ETV1: variants seen among roughly 807,000 people sequenced by gnomAD.
ETV1 encodes ETS translocation variant 1.
A neutral mutation model predicts 62.3 loss-of-function variants in ETV1; 27 were observed. The observed-to-expected ratio is 0.43, with a 90% confidence interval of 0.32 to 0.60. The LOEUF (loss-of-function observed/expected upper bound fraction) is 0.60. Ranked by LOEUF, ETV1 falls within the 20% of genes least tolerant of loss-of-function variation. ETV1 has a pLI of 0.06. For missense variants in ETV1, 605 were observed against 605.8 expected, an observed-to-expected ratio of 1.00 and a Z score of 0.01; for synonymous variants, 222 against 199.6, an observed-to-expected ratio of 1.11 and a Z score of -0.94.
intron 5 of ETV1, among the ~76,000 whole-genome samples, chr7:13,983,922 C>A (rs1298770023): frequency 6.6e-6 from 1 of 151,578 alleles, no homozygotes; most frequent in African/African-American, 2.4e-5. Flanking sequence ...TTCCAACTTC[C>A]CCTTAGAAAT....
At position 13,893,603 on chromosome 7, in the gene ETV1, AAAG is replaced by A; in HGVS notation, c.*2260_*2262del. On this transcript the variant is annotated 3_prime_UTR_variant, in exon 14 of 14. Transcript: ENST00000430479. Reference sequence around the variant, plus strand: ...TGACTGACTAAAACTAGACTATTAAAAAGAAGAAAAAGGAGAAAAGAGAAAAAG... The same window carrying A: ...TGACTGACTAAAACTAGACTATTAAAAAGAAAAAGGAGAAAAGAGAAAAAG... 4.3e-6 allele frequency: 1 copy of A among 232,270 alleles called. No individual in the cohort carries two copies. Among genetic ancestry groups the A allele is most frequent in the Non-Finnish European group, 8.5e-6 (1 of 117,512 alleles). 14.4% of individuals were successfully genotyped at this position (232,270 alleles called of 1,614,324 possible).
chr7:13,914,182 G>A (rs1783887226), intron 9 of ETV1, among the ~76,000 whole-genome samples: 1 of 151,150 alleles, frequency 6.6e-6, no homozygotes, highest in Non-Finnish European at 1.5e-5. Context: ...ACCGCGCCCG[G>A]CCGGGGGTAC....
intron 6 of ETV1, among the ~76,000 whole-genome samples, chr7:13,954,003 A>AT (rs1253871601): frequency 6.6e-6 from 1 of 152,304 alleles, no homozygotes; most frequent in Non-Finnish European, 1.5e-5. Context: ...TACATTAGTT[A>AT]TTTTATCAAT....
Position 13,985,129 on chromosome 7 carries a change from A to G in ETV1, c.181+1509T>C, listed in dbSNP as rs796911659. ...AAATAGATATTTTAAGTTATTTTGG[A>G]GAAGCAAATAAATTCTCTCATAAAG... On this transcript the variant is annotated intron_variant, in intron 5 of 13. Coordinates refer to ENST00000430479, the MANE Select transcript of ETV1 (RefSeq NM_004956.5). Among the ~76,000 whole-genome samples, 4 of 152,186 alleles carry G rather than the reference A, an allele frequency of 2.6e-5. No homozygotes were observed. The South Asian group carries it at 8.3e-4, about 32-fold the overall frequency.
At chr7:13,949,693 T>C (rs546252545) in intron 6 of ETV1, among the ~76,000 whole-genome samples, 42 of 152,210 alleles carry the variant, frequency 2.8e-4, no homozygotes, top group Non-Finnish European at 4.9e-4. Flanking sequence ...TGAAGAAAGA[T>C]GTGAATTATG....
chr7:13,916,311 T>C (rs778295372), intron 9 of ETV1, among the ~76,000 whole-genome samples: 1 of 152,146 alleles, frequency 6.6e-6, no homozygotes, highest in Non-Finnish European at 1.5e-5. Context: ...TTAATATGCT[T>C]GTAATAGCAT....
intron 12 of ETV1, among the ~76,000 whole-genome samples, chr7:13,903,919 C>G (rs1782697136): frequency 1.3e-5 from 2 of 152,136 alleles, no homozygotes; most frequent in Admixed American, 1.3e-4. Context: ...AGCAGATAAT[C>G]TGTGCAGGTC....
At chr7:13,909,796 T>G in intron 10 of ETV1, 96 bp from the exon 11 acceptor site, 1 of 1,064,116 alleles carries the variant, frequency 9.4e-7, no homozygotes, top group Non-Finnish European at 1.4e-6. Flanking sequence ...TGATAGAAAA[T>G]GACTCTGCCA....
chr7:13,920,454 G>GTC (rs926652466), intron 9 of ETV1, among the ~76,000 whole-genome samples: 5 of 151,904 alleles, frequency 3.3e-5, no homozygotes, highest in African/African-American at 1.2e-4. Context: ...GTGTGTGTGT[G>GTC]TGTGTGTGTG....
In ETV1 at chr7:13,942,727, G is replaced by A. The variant is rs1279527631; in HGVS notation, c.236-3481C>T. Among the ~76,000 whole-genome samples the A allele has an allele frequency of 2.6e-5, 4 of 152,068 alleles. No individual in the cohort carries two copies. In the South Asian group the frequency reaches 8.3e-4, roughly 31 times the overall value. Reference sequence around the variant, plus strand: ...AGAAAAAGGAGCAGCGACATATAAGGAATTCAAGTAACAAATCATATTATA... The same window carrying A: ...AGAAAAAGGAGCAGCGACATATAAGAAATTCAAGTAACAAATCATATTATA... On this transcript the variant is annotated intron_variant, in intron 6 of 13. Coordinates refer to ENST00000430479, the MANE Select transcript of ETV1 (RefSeq NM_004956.5).
rs1189630582 is a variant in ETV1, at chr7:13,895,154, G to A, written c.*712C>T. 8.6e-6 allele frequency: 2 copies of A among 233,374 alleles called. No individual in the cohort carries two copies. Among genetic ancestry groups the A allele is most frequent in the Non-Finnish European group, 1.7e-5 (2 of 117,924 alleles). 14.5% of individuals were successfully genotyped at this position (233,374 alleles called of 1,614,324 possible). ...CAAGGTGGCACCAGATACACGTAAT[G>A]CTACTGGCCTATGACTCAGTTTGGC... On this transcript the variant is annotated 3_prime_UTR_variant, in exon 14 of 14. Coordinates refer to ENST00000430479, the MANE Select transcript of ETV1 (RefSeq NM_004956.5).
At chr7:13,912,097 A>G (rs1783624463) in intron 9 of ETV1, among the ~76,000 whole-genome samples, 1 of 152,214 alleles carries the variant, frequency 6.6e-6, no homozygotes, top group Non-Finnish European at 1.5e-5. Context: ...CCCTGCCACA[A>G]AATACTTTTA....
intron 9 of ETV1, among the ~76,000 whole-genome samples, chr7:13,923,966 C>T (rs6461057): frequency 0.66 from 100,133 of 151,734 alleles, 33,250 homozygotes; most frequent in African/African-American, 0.73. Flanking sequence ...ATCAGGGAGG[C>T]GGAGGTTGTG....
chr7:13,965,453 A>AT lies in ETV1; in HGVS notation c.235+11973dup, dbSNP rs199809833. 2.0e-3 allele frequency among the ~76,000 whole-genome samples: 304 copies of AT among 148,464 alleles called. 1 individual carries two copies. Among genetic ancestry groups the AT allele is most frequent in the African/African-American group, 5.5e-3 (223 of 40,706 alleles). On this transcript the variant is annotated intron_variant, in intron 6 of 13. Coordinates refer to ENST00000430479, the MANE Select transcript of ETV1 (RefSeq NM_004956.5). ...AACACATTCTTTGTTAGCCACGCAG[A>AT]TTTTTTTTTTTCAGAATAGAAACAG...
intron 12 of ETV1, 28 bp downstream of exon 12, chr7:13,906,402 T>A: frequency 7.0e-7 from 1 of 1,436,002 alleles, no homozygotes; most frequent in Non-Finnish European, 9.3e-7. Flanking sequence ...CATGTCTGAG[T>A]GTCCTAATTA....
intron 2 of ETV1, 22 bp from the exon 3 acceptor site, chr7:13,989,161 T>A (rs576822340): frequency 1.1e-6 from 1 of 883,278 alleles, no homozygotes; most frequent in African/African-American, 2.4e-5. Context: ...CAAGATGGCT[T>A]TTAGGCTTAA....
Position 13,892,079 on chromosome 7 carries a change from A to T in ETV1, c.*3787T>A, listed in dbSNP as rs1049014504. 4.3e-6 allele frequency: 1 copy of T among 232,264 alleles called. No homozygotes were observed. The highest frequency in any genetic ancestry group is 2.2e-5 in the African/African-American group (1 of 45,326). The allele number at this position is 232,264 out of a possible 1,614,324, so 14.4% of individuals were successfully genotyped here. A position where few individuals can be genotyped will look rare whatever the true frequency, so the allele number is the denominator to read the frequency against. The stretch of plus-strand genomic sequence containing the variant: ...ATAAAGATAAGTTGACTCATTTTGC[A>T]ATTGTTCTTTTGAGTAATAGACATA... On this transcript the variant is annotated 3_prime_UTR_variant, in exon 14 of 14. Transcript: ENST00000430479.
Sources: allele counts gnomAD v4.1 joint callset (sites outside exome capture counted in the v4.1 genomes callset), GRCh38; gene constraint gnomAD v4.1.1; transcripts MANE v1.5; gene names NCBI Gene and HGNC (gene_info 2026-07-23, HGNC 2026-07-21).